The following PPM1L variants were observed in gnomAD, a reference collection of about 807,000 sequenced individuals.
The protein encoded by PPM1L is protein phosphatase, Mg2+/Mn2+ dependent 1L.
A neutral mutation model predicts 31.4 loss-of-function variants in PPM1L; 13 were observed. The ratio of observed to expected loss-of-function variants is 0.41; its 90% CI spans 0.27 to 0.66. The LOEUF is 0.66. Ranked by LOEUF, PPM1L falls within the 30% of genes least tolerant of loss-of-function variation. The probability of loss-of-function intolerance (pLI) is 0.29; values close to 1 mark genes in which losing one functional copy is unlikely to be tolerated. For synonymous variants in PPM1L, 184 were observed against 175.4 expected, an observed-to-expected ratio of 1.05 and a Z score of -0.39; for missense variants, 326 against 453.7, an observed-to-expected ratio of 0.72 and a Z score of 2.56.
chr3:160,814,958 T>G (rs781463919), intron 1 of PPM1L, among the ~76,000 whole-genome samples: 9 of 151,938 alleles, frequency 5.9e-5, no homozygotes, highest in Admixed American at 6.6e-5. Context: ...GCTATGAGGA[T>G]GCAAAGGCAT....
intron 2 of PPM1L, among the ~76,000 whole-genome samples, chr3:160,999,796 G>C (rs1717425499): frequency 6.6e-6 from 1 of 152,166 alleles, no homozygotes; most frequent in African/African-American, 2.4e-5. Flanking sequence ...AACTTCACTA[G>C]GAACAAAGCA....
At chr3:160,759,205 G>C (rs1187948384) in intron 1 of PPM1L, among the ~76,000 whole-genome samples, 1 of 152,088 alleles carries the variant, frequency 6.6e-6, no homozygotes, top group Admixed American at 6.6e-5. Context: ...AGCTTTTTCT[G>C]AACTTTCTAT....
intron 1 of PPM1L, among the ~76,000 whole-genome samples, chr3:160,953,932 C>T (rs1478036382): frequency 6.6e-6 from 1 of 152,164 alleles, no homozygotes; most frequent in Non-Finnish European, 1.5e-5. Context: ...AAGCTTTGCT[C>T]ATGTGTTCTT....
chr3:160,940,796 T>A lies in PPM1L; in HGVS notation c.400-20940T>A, dbSNP rs939094271. Among the ~76,000 whole-genome samples, 11 of 152,156 alleles carry A rather than the reference T, an allele frequency of 7.2e-5. 1 individual carries two copies. Among genetic ancestry groups the A allele is most frequent in the Middle Eastern group, 6.8e-3 (2 of 294 alleles). ...GTGGCATTAGAGCTCCCACACAGAG[T>A]TCCTACTGGGACCCTGCCTAGTGGA... On this transcript the variant is annotated intron_variant, in intron 1 of 3. Transcript: ENST00000498165.
chr3:160,837,615 G>C (rs1300458586), intron 1 of PPM1L, among the ~76,000 whole-genome samples: 1 of 152,192 alleles, frequency 6.6e-6, no homozygotes, highest in East Asian at 1.9e-4. Context: ...AGGAAGGCCA[G>C]CCTTTGTGTC....
intron 1 of PPM1L, among the ~76,000 whole-genome samples, chr3:160,764,460 CCTCT>C (rs58217473): frequency 3.1e-4 from 46 of 147,808 alleles, no homozygotes; most frequent in African/African-American, 5.0e-4. Context: ...TTTAATTCTC[CCTCT>C]CTCTCTCTCT....
At chr3:160,961,970 T>C (rs1013709530) in intron 2 of PPM1L, 60 bp downstream of exon 2, 2 of 1,349,066 alleles carry the variant, frequency 1.5e-6, no homozygotes, top group Non-Finnish European at 2.0e-6. Context: ...ATTATAAACC[T>C]TGATTAAACT....
At chr3:160,822,809 T>A (rs1448702854) in intron 1 of PPM1L, among the ~76,000 whole-genome samples, 1 of 152,122 alleles carries the variant, frequency 6.6e-6, no homozygotes, top group Non-Finnish European at 1.5e-5. Flanking sequence ...TAGTGGAGTA[T>A]CTATTATGTT....
chr3:160,898,096 G>C (rs1276707591), intron 1 of PPM1L, among the ~76,000 whole-genome samples: 1 of 152,064 alleles, frequency 6.6e-6, no homozygotes, highest in African/African-American at 2.4e-5. Context: ...TGAGTAAAAA[G>C]GACCTCCAGT....
intron 2 of PPM1L, among the ~76,000 whole-genome samples, chr3:161,002,196 C>T (rs1717513583): frequency 6.6e-6 from 1 of 152,300 alleles, no homozygotes; most frequent in Admixed American, 6.5e-5. Context: ...CATAGTATTC[C>T]ATGGTGTATA....
chr3:160,922,837 A>G (rs1359556086), intron 1 of PPM1L, among the ~76,000 whole-genome samples: 1 of 152,234 alleles, frequency 6.6e-6, no homozygotes, highest in Non-Finnish European at 1.5e-5. Flanking sequence ...AAAAGAATAT[A>G]ATCATAGTTA....
At chr3:160,882,811 G>C (rs11922752) in intron 1 of PPM1L, among the ~76,000 whole-genome samples, 62,662 of 152,120 alleles carry the variant, frequency 0.41, 14,528 homozygotes, top group Non-Finnish European at 0.54. Context: ...ACTTTAACTA[G>C]TCTAAAAATG....
intron 1 of PPM1L, among the ~76,000 whole-genome samples, chr3:160,833,454 T>G (rs1056830384): frequency 8.5e-5 from 13 of 152,204 alleles, no homozygotes; most frequent in African/African-American, 2.2e-4. Flanking sequence ...GTTTTTTGAC[T>G]TTTTAATAAT....
At chr3:160,781,901 G>T (rs1432611402) in intron 1 of PPM1L, among the ~76,000 whole-genome samples, 1 of 152,116 alleles carries the variant, frequency 6.6e-6, no homozygotes, top group Non-Finnish European at 1.5e-5. Context: ...CCCAGCAGTG[G>T]CTCTGCTAAA....
chr3:160,814,626 T>C (rs567688051), intron 1 of PPM1L, among the ~76,000 whole-genome samples: 15 of 149,394 alleles, frequency 1.0e-4, no homozygotes, highest in South Asian at 8.4e-4. Flanking sequence ...CACACACATA[T>C]GTATGTATGT....
chr3:160,762,108 A>G (rs1714984338), intron 1 of PPM1L, among the ~76,000 whole-genome samples: 1 of 152,218 alleles, frequency 6.6e-6, no homozygotes, highest in Non-Finnish European at 1.5e-5. Flanking sequence ...AATAAGATAC[A>G]CTTCTGAATA....
chr3:160,965,493 CTT>C (rs1040045507), intron 2 of PPM1L, among the ~76,000 whole-genome samples: 7 of 152,168 alleles, frequency 4.6e-5, no homozygotes, highest in Admixed American at 2.6e-4. Context: ...ATAAAATAGA[CTT>C]TGTGTTAGAT....
At chr3:161,061,680 A>T (rs558228648) in intron 2 of PPM1L, among the ~76,000 whole-genome samples, 102 of 152,308 alleles carry the variant, frequency 6.7e-4, no homozygotes, top group Non-Finnish European at 1.2e-3. Context: ...ATACAAGAGG[A>T]TGTACATAGG....
intron 1 of PPM1L, among the ~76,000 whole-genome samples, chr3:160,892,422 C>T (rs1713186141): frequency 6.6e-6 from 1 of 152,094 alleles, no homozygotes; most frequent in Admixed American, 6.6e-5. Context: ...GAATCCACCC[C>T]CATGACCCAC....
Sources: allele counts gnomAD v4.1 joint callset (sites outside exome capture counted in the v4.1 genomes callset), GRCh38; gene constraint gnomAD v4.1.1; transcripts MANE v1.5; gene names NCBI Gene and HGNC (gene_info 2026-07-23, HGNC 2026-07-21).